The following SHROOM2 variants were observed in gnomAD, a reference collection of about 807,000 sequenced individuals.
SHROOM2 encodes protein Shroom2.
SHROOM2 carries 33 observed loss-of-function variants against 75.9 expected under a neutral mutation model. The ratio of observed to expected loss-of-function variants is 0.43; its 90% CI spans 0.33 to 0.58. The LOEUF is 0.58. SHROOM2 is among the 20% of genes least tolerant of loss of function. The probability of loss-of-function intolerance (pLI) is 0.04; values close to 1 mark genes in which losing one functional copy is unlikely to be tolerated. For synonymous variants in SHROOM2, 655 were observed against 663.6 expected (o/e 0.99, Z 0.20); for missense variants, 1,434 against 1,461.2 (o/e 0.98, Z 0.30).
At chrX:9,871,470 C>T (rs1196034921) in intron 1 of SHROOM2, among the ~76,000 whole-genome samples, 1 of 111,644 alleles carries the variant, frequency 9.0e-6, no homozygotes, top group Non-Finnish European at 1.9e-5. Flanking sequence ...AACCCAGTCT[C>T]CCCCAGGTAT....
intron 7 of SHROOM2, 70 bp from the exon 8 acceptor site, chrX:9,939,125 A>T (rs1314279910): frequency 1.0e-6 from 1 of 984,106 alleles, no homozygotes; most frequent in Non-Finnish European, 1.4e-6. Context: ...GTCACAACCC[A>T]GGGGGTGGGG....
intron 5 of SHROOM2, among the ~76,000 whole-genome samples, chrX:9,908,768 A>G (rs2084404641): frequency 9.2e-6 from 1 of 109,046 alleles, no homozygotes. Context: ...CCTGGGCAAC[A>G]TAGTGAGACC....
At chrX:9,855,501 A>G (rs1340972844) in intron 1 of SHROOM2, among the ~76,000 whole-genome samples, 4 of 109,425 alleles carry the variant, frequency 3.7e-5, no homozygotes, top group African/African-American at 6.7e-5. Flanking sequence ...TGATGCCCCA[A>G]TTTTTGAACT....
chrX:9,845,781 C>T (rs768342612), intron 1 of SHROOM2, among the ~76,000 whole-genome samples: 1 of 109,051 alleles, frequency 9.2e-6, no homozygotes, highest in Non-Finnish European at 1.9e-5. Context: ...GCTGCAGTGT[C>T]GCAACCCCTT....
intron 2 of SHROOM2, among the ~76,000 whole-genome samples, chrX:9,886,519 T>C (rs1247202053): frequency 1.8e-5 from 2 of 112,101 alleles, no homozygotes; most frequent in Non-Finnish European, 3.8e-5. Context: ...ATTAAGTGTA[T>C]TCACATCATA....
intron 1 of SHROOM2, among the ~76,000 whole-genome samples, chrX:9,805,775 TAAGG>T (rs753132755): frequency 9.1e-6 from 1 of 109,704 alleles, no homozygotes; most frequent in African/African-American, 3.3e-5. Context: ...AGTTGGGACT[TAAGG>T]AGAGTATCTG....
At chrX:9,939,959 G>A (rs1488509334) in intron 8 of SHROOM2, among the ~76,000 whole-genome samples, 1 of 110,815 alleles carries the variant, frequency 9.0e-6, no homozygotes, top group Non-Finnish European at 1.9e-5. Context: ...GCTAATTTTT[G>A]TATTTTTAGT....
intron 1 of SHROOM2, among the ~76,000 whole-genome samples, chrX:9,830,584 C>CT (rs1166769024): frequency 0.022 from 744 of 33,626 alleles, 144 homozygotes; most frequent in Middle Eastern, 0.091. Context: ...CCCCTGGTTT[C>CT]TTTTTTTTTT....
At chrX:9,848,510 C>CAAAAAAAAAAA (rs774991614) in intron 1 of SHROOM2, among the ~76,000 whole-genome samples, 403 of 21,927 alleles carry the variant, frequency 0.018, 39 homozygotes, top group Non-Finnish European at 0.029. Flanking sequence ...GACTCCGTCT[C>CAAAAAAAAAAA]AAAAAAAAAA....
intron 6 of SHROOM2, among the ~76,000 whole-genome samples, chrX:9,935,335 T>TTATTATTATTATTTA (rs1160776258): frequency 1.0e-3 from 100 of 98,627 alleles, no homozygotes; most frequent in African/African-American, 3.5e-3. Flanking sequence ...ATTATTATTA[T>TTATTATTATTATTTA]TTATTATTAT....
chrX:9,837,551 G>A (rs2083953348), intron 1 of SHROOM2, among the ~76,000 whole-genome samples: 1 of 112,368 alleles, frequency 8.9e-6, no homozygotes, highest in Non-Finnish European at 1.9e-5. Context: ...AGGAACATAG[G>A]GGACCAGCCC....
At chrX:9,838,412 C>T (rs765368085) in intron 1 of SHROOM2, among the ~76,000 whole-genome samples, 1 of 110,773 alleles carries the variant, frequency 9.0e-6, no homozygotes, top group African/African-American at 3.3e-5. Flanking sequence ...TTGTTGCCAA[C>T]ACCCACGGCA....
intron 1 of SHROOM2, among the ~76,000 whole-genome samples, chrX:9,801,147 A>G (rs183009837): frequency 9.8e-5 from 11 of 111,906 alleles, no homozygotes; most frequent in African/African-American, 3.6e-4. Flanking sequence ...AGCAGGCAAG[A>G]GAGAATGAGA....
chrX:9,808,954 A>G (rs1267409281), intron 1 of SHROOM2, among the ~76,000 whole-genome samples: 1 of 110,597 alleles, frequency 9.0e-6, no homozygotes, highest in Non-Finnish European at 1.9e-5. Flanking sequence ...TTTTCTGTAT[A>G]TTCACTGACT....
chrX:9,798,122 A>T (rs1316760333), intron 1 of SHROOM2, among the ~76,000 whole-genome samples: 1 of 110,849 alleles, frequency 9.0e-6, no homozygotes, highest in Non-Finnish European at 1.9e-5. Flanking sequence ...GCGGAGTGGG[A>T]GTGCTGAGGA....
intron 5 of SHROOM2, among the ~76,000 whole-genome samples, chrX:9,905,517 G>A (rs992974154): frequency 6.2e-5 from 7 of 113,138 alleles, no homozygotes; most frequent in Middle Eastern, 4.6e-3. Flanking sequence ...TCCAACGCCA[G>A]GAGAGTCCAG....
At chrX:9,943,007 T>C (rs1188135285) in intron 8 of SHROOM2, among the ~76,000 whole-genome samples, 4 of 110,369 alleles carry the variant, frequency 3.6e-5, no homozygotes, top group Non-Finnish European at 3.8e-5. Flanking sequence ...AGATCTTGCT[T>C]TGGGCAGGTA....
chrX:9,945,099 G>GTTGTTTGTTTGT (rs200731017), intron 9 of SHROOM2, among the ~76,000 whole-genome samples, 186 bp downstream of exon 9: 5 of 106,494 alleles, frequency 4.7e-5, no homozygotes, highest in East Asian at 6.2e-4. Context: ...TATTTCTTTA[G>GTTGTTTGTTTGT]TTGTTTGTTT....
chrX:9,931,583 G>C (rs773117868), intron 5 of SHROOM2, among the ~76,000 whole-genome samples: 1 of 111,123 alleles, frequency 9.0e-6, no homozygotes, highest in South Asian at 3.9e-4. Context: ...GGAGTTCGAG[G>C]CTGCAGCATG....
Sources: allele counts gnomAD v4.1 joint callset (sites outside exome capture counted in the v4.1 genomes callset), GRCh38; gene constraint gnomAD v4.1.1; transcripts MANE v1.5; gene names NCBI Gene and HGNC (gene_info 2026-07-23, HGNC 2026-07-21).